CEMIP2: variants seen among roughly 807,000 people sequenced by gnomAD.
CEMIP2 encodes the protein cell surface hyaluronidase CEMIP2.
In CEMIP2, 79 loss-of-function variants were observed where a neutral mutation model predicts 146.9. The ratio of observed to expected loss-of-function variants is 0.54; its 90% CI spans 0.45 to 0.65. The LOEUF is 0.65. CEMIP2 is among the 30% of genes least tolerant of loss of function. The pLI is 0.00. For synonymous variants in CEMIP2, 601 were observed against 606.3 expected, an observed-to-expected ratio of 0.99 and a Z score of 0.13; for missense variants, 1,596 against 1,696.2, an observed-to-expected ratio of 0.94 and a Z score of 1.04.
At chr9:71,720,584 G>A (rs1484781447) in intron 12 of CEMIP2, among the ~76,000 whole-genome samples, 2 of 152,122 alleles carry the variant, frequency 1.3e-5, no homozygotes, top group Admixed American at 6.5e-5. Flanking sequence ...GAGCCATCAC[G>A]CCCGGCCCTG....
chr9:71,699,389 T>C (rs1273205461), intron 19 of CEMIP2: 2 of 446,622 alleles, frequency 4.5e-6, no homozygotes, highest in Non-Finnish European at 8.9e-6. Flanking sequence ...AAGGCTGTAG[T>C]GTACCACAAC....
chr9:71,702,047 C>A (rs1822575931), intron 18 of CEMIP2, among the ~76,000 whole-genome samples: 1 of 152,042 alleles, frequency 6.6e-6, no homozygotes, highest in Non-Finnish European at 1.5e-5. Flanking sequence ...TACTTGAGTG[C>A]ATGAGTTCAA....
At chr9:71,740,437 G>C (rs1034386468) in intron 4 of CEMIP2, among the ~76,000 whole-genome samples, 7 of 152,136 alleles carry the variant, frequency 4.6e-5, no homozygotes. Flanking sequence ...TTAAATACTT[G>C]TTTGTCCAGC....
At chr9:71,756,265 T>C (rs1404542074) in intron 1 of CEMIP2, among the ~76,000 whole-genome samples, 4 of 144,468 alleles carry the variant, frequency 2.8e-5, no homozygotes, top group African/African-American at 9.9e-5. Flanking sequence ...TATGTATATA[T>C]ACACACGTAT....
chr9:71,693,046 T>C (rs1330023270), intron 21 of CEMIP2, among the ~76,000 whole-genome samples: 1 of 152,190 alleles, frequency 6.6e-6, no homozygotes, highest in Non-Finnish European at 1.5e-5. Flanking sequence ...TGTACAACAA[T>C]ATGAATGGAC....
chr9:71,732,619 A>T, intron 6 of CEMIP2, 99 bp from the exon 7 acceptor site: 1 of 1,125,826 alleles, frequency 8.9e-7, no homozygotes, highest in Non-Finnish European at 1.2e-6. Flanking sequence ...CCCCAAGATG[A>T]TCCTGACAAC....
In CEMIP2 at chr9:71,709,177, A is replaced by T; in HGVS notation, c.2985+82T>A. 13 of 1,304,754 alleles carry T rather than the reference A, an allele frequency of 1.0e-5. No homozygotes were observed. In the South Asian group the frequency reaches 1.5e-4, roughly 15 times the overall value. 80.8% of individuals were successfully genotyped at this position (1,304,754 alleles called of 1,614,324 possible). A position where few individuals can be genotyped will look rare whatever the true frequency, so the allele number is the denominator to read the frequency against. ...ACTTTGGAAAATGTCAATCACACTG[A>T]AAAGCTGAAGAGTACTTCTCACAGA... On this transcript the variant is annotated intron_variant, in intron 17 of 23. Coordinates refer to ENST00000377044, the MANE Select transcript of CEMIP2 (RefSeq NM_013390.3).
In CEMIP2 at chr9:71,715,089, A is replaced by T; in HGVS notation, c.2436T>A (p.Ser812Arg). The T allele has an allele frequency of 6.2e-7, 1 of 1,613,204 alleles. No individual in the cohort carries two copies. Among genetic ancestry groups the T allele is most frequent in the Non-Finnish European group, 8.5e-7 (1 of 1,179,698 alleles). The change falls in exon 15 of 24, where the codon AGT becomes AGA. Residue 812 changes from serine (S) to arginine (R), a missense_variant and splice_region_variant. Coordinates refer to ENST00000377044, the MANE Select transcript of CEMIP2 (RefSeq NM_013390.3). ...ADNGIGLTFA[S>R]DGSFPSDEGS... ...CTTCATCACTTGGGAAGCTTCCATC[A>T]CTGTTAAAATGCGAACAATCATTAG...
intron 6 of CEMIP2, among the ~76,000 whole-genome samples, chr9:71,732,928 C>T (rs1364098335): frequency 6.6e-6 from 1 of 151,992 alleles, no homozygotes; most frequent in Non-Finnish European, 1.5e-5. Context: ...CACACACTGA[C>T]AGAAAGCTTG....
chr9:71,728,302 C>CACGTATATATATATATATAT (rs1554684804), intron 10 of CEMIP2, among the ~76,000 whole-genome samples: 1 of 11,582 alleles, frequency 8.6e-5, no homozygotes, highest in African/African-American at 3.4e-4. Context: ...TATATATATA[C>CACGTATATATATATATATAT]ATATATATAT....
Position 71,712,242 on chromosome 9 carries a change from G to C in CEMIP2, c.2610C>G (p.Gly870=). ...LPRNRTFPIR[G]FQIYDGPIHL... is the part of the protein sequence containing the mutation. ...GAATGGGCCCATCATAAATCTGAAAGCCTCTAATTGGGAACGTCCTGTGGA... is the reference window on the plus strand; with the variant it reads ...GAATGGGCCCATCATAAATCTGAAACCCTCTAATTGGGAACGTCCTGTGGA... Residue 870 remains glycine (G), a synonymous_variant, in exon 16 of 24, where the codon GGC becomes GGG. Transcript: ENST00000377044. The C allele has an allele frequency of 1.9e-6, 3 of 1,614,060 alleles. No individual in the cohort carries two copies. The East Asian group carries it at 6.7e-5, about 36-fold the overall frequency.
At chr9:71,764,005 C>T (rs1158302303) in intron 1 of CEMIP2, among the ~76,000 whole-genome samples, 1 of 152,002 alleles carries the variant, frequency 6.6e-6, no homozygotes. Flanking sequence ...AAAGAACAAG[C>T]AAACATGACC....
intron 4 of CEMIP2, among the ~76,000 whole-genome samples, chr9:71,743,720 C>A (rs550493714): frequency 4.6e-5 from 7 of 152,166 alleles, no homozygotes; most frequent in Non-Finnish European, 7.3e-5. Flanking sequence ...AGTGTCCTTT[C>A]GTCTAAGCAT....
At chr9:71,766,023 G>A (rs1824779688) in intron 1 of CEMIP2, among the ~76,000 whole-genome samples, 1 of 151,852 alleles carries the variant, frequency 6.6e-6, no homozygotes, top group Non-Finnish European at 1.5e-5. Flanking sequence ...CACTCCATGT[G>A]AGTCTAAGAC....
chr9:71,726,187 T>C (rs1341709950), intron 10 of CEMIP2, among the ~76,000 whole-genome samples: 1 of 152,130 alleles, frequency 6.6e-6, no homozygotes, highest in Non-Finnish European at 1.5e-5. Flanking sequence ...CTTCCTGTCC[T>C]GAGGCAAATT....
chr9:71,752,083 CAT>C (rs954454533), intron 1 of CEMIP2, among the ~76,000 whole-genome samples: 8 of 152,070 alleles, frequency 5.3e-5, no homozygotes, highest in Admixed American at 3.9e-4. Flanking sequence ...CCATTTTACA[CAT>C]GAGAGAAACT....
chr9:71,746,283 T>G lies in CEMIP2; in HGVS notation c.390A>C (p.Ala130=). The G allele has an allele frequency of 1.9e-6, 3 of 1,614,026 alleles. No individual in the cohort carries two copies. Among genetic ancestry groups the G allele is most frequent in the Non-Finnish European group, 2.5e-6 (3 of 1,179,916 alleles). The change falls in exon 3 of 24, where the codon GCA becomes GCC. Residue 130 remains alanine, a synonymous_variant. Transcript: ENST00000377044. ...LRNWDPGQDS[A]KQVVIKEGDM... ...CTCCCTCCTTGATAACAACTTGCTT[T>G]GCAGAATCTTGTCCTGGATCCCAAT...
intron 4 of CEMIP2, among the ~76,000 whole-genome samples, chr9:71,741,585 T>C (rs1195048202): frequency 6.6e-6 from 1 of 151,784 alleles, no homozygotes; most frequent in Non-Finnish European, 1.5e-5. Flanking sequence ...GTCTATTTGT[T>C]GACAGCAATG....
intron 10 of CEMIP2, among the ~76,000 whole-genome samples, chr9:71,729,344 G>T (rs1046071014): frequency 3.9e-5 from 6 of 152,136 alleles, no homozygotes; most frequent in African/African-American, 1.2e-4. Flanking sequence ...CACAGGCCGG[G>T]CGTGGTGGCT....
Sources: allele counts gnomAD v4.1 joint callset (sites outside exome capture counted in the v4.1 genomes callset), GRCh38; gene constraint gnomAD v4.1.1; transcripts MANE v1.5; gene names NCBI Gene and HGNC (gene_info 2026-07-23, HGNC 2026-07-21).